TNIP2: variants seen among roughly 807,000 people sequenced by gnomAD.
The protein encoded by TNIP2 is TNFAIP3-interacting protein 2.
A neutral mutation model predicts 43.7 loss-of-function variants in TNIP2; 30 were observed. That is an observed-to-expected ratio of 0.69 (90% confidence interval 0.51 to 0.93). The LOEUF (loss-of-function observed/expected upper bound fraction) is 0.93, where lower values mean the gene tolerates loss of function less well. Among genes scored for constraint, TNIP2 ranks in the 40% least tolerant of loss-of-function variants. The pLI, the probability that TNIP2 is intolerant of heterozygous loss-of-function variation, is 0.00. For missense variants in TNIP2, 599 were observed against 591.0 expected, an observed-to-expected ratio of 1.01 and a Z score of -0.14; for synonymous variants, 260 against 254.6, an observed-to-expected ratio of 1.02 and a Z score of -0.20.
rs2109474608 is a variant in TNIP2, at chr4:2,741,993, A to C, written c.*264T>G. The C allele has an allele frequency of 2.9e-6, 1 of 348,772 alleles. No homozygotes were observed. Among genetic ancestry groups the C allele is most frequent in the South Asian group, 1.3e-4 (1 of 7,430 alleles). The allele number at this position is 348,772 out of a possible 1,614,324, so 21.6% of individuals were successfully genotyped here. A position where few individuals can be genotyped will look rare whatever the true frequency, so the allele number is the denominator to read the frequency against. On this transcript the variant is annotated 3_prime_UTR_variant, in exon 6 of 6. Coordinates refer to ENST00000315423, the MANE Select transcript of TNIP2 (RefSeq NM_024309.4). ...ACCAGATAGCTCTGGCTTAAGCCTG[A>C]TGGAGACACAGACTGGGACCTCCCT...
intron 2 of TNIP2, chr4:2,747,417 G>A (rs144974244): frequency 9.2e-4 from 444 of 482,196 alleles, no homozygotes; most frequent in African/African-American, 7.2e-3. Context: ...GAGCGGGGTC[G>A]GCCACAGGCC....
chr4:2,745,489 T>C lies in TNIP2; in HGVS notation c.614A>G (p.Lys205Arg), dbSNP rs1010415009. ...GHTSVQSVIE[K>R]LQEENRLLKQ... is the part of the protein sequence containing the mutation. ...TAACAGTCGATTTTCTTCCTGCAAC[T>C]TCTCAATAACACTCTGGACAGAGGT... is the stretch of plus-strand genomic sequence containing the variant. Residue 205 changes from lysine to arginine, a missense_variant, in exon 3 of 6, where the codon AAG becomes AGG. Transcript: ENST00000315423. 4.3e-6 allele frequency: 7 copies of C among 1,613,416 alleles called. No homozygotes were observed. Among genetic ancestry groups the C allele is most frequent in the Non-Finnish European group, 5.9e-6 (7 of 1,179,676 alleles).
At position 2,744,498 on chromosome 4, in the gene TNIP2, A is replaced by C. The variant is rs1034953898; in HGVS notation, c.915T>G (p.Ala305=). ...TTTCTGACATGAAGTCATCCTTGTAAGCGAGAATCTGAAGAGAGGCGAGAC... is the reference window on the plus strand; with the variant it reads ...TTTCTGACATGAAGTCATCCTTGTACGCGAGAATCTGAAGAGAGGCGAGAC... ...RVQMLEQQIL[A]YKDDFMSERA... is the part of the protein sequence containing the mutation. The change falls in exon 5 of 6, where the codon GCT becomes GCG. Residue 305 remains alanine, a synonymous_variant. Coordinates refer to ENST00000315423, the MANE Select transcript of TNIP2 (RefSeq NM_024309.4). The surrounding 1 kb of genome is among the most constrained non-coding windows in gnomAD (Gnocchi z 5.1). 3.1e-6 allele frequency: 5 copies of C among 1,614,160 alleles called. No individual in the cohort carries two copies. Among genetic ancestry groups the C allele is most frequent in the Non-Finnish European group, 4.2e-6 (5 of 1,180,026 alleles).
intron 1 of TNIP2, among the ~76,000 whole-genome samples, chr4:2,753,576 GGTGAGTGGCC>G (rs1722153199): frequency 6.6e-6 from 1 of 152,234 alleles, no homozygotes; most frequent in African/African-American, 2.4e-5. Context: ...TAAGCTGCTT[GGTGAGTGGCC>G]AGATACACAG....
intron 1 of TNIP2, 111 bp from the exon 2 acceptor site, chr4:2,748,056 A>T (rs1722001170): frequency 8.8e-7 from 1 of 1,139,120 alleles, no homozygotes; most frequent in Admixed American, 2.5e-5. Context: ...CACCAGACAC[A>T]AACATACTCA....
chr4:2,747,462 T>G (rs1721978119), intron 2 of TNIP2, 193 bp downstream of exon 2: 1 of 642,484 alleles, frequency 1.6e-6, no homozygotes, highest in Non-Finnish European at 2.7e-6. Flanking sequence ...CCTGCTTTCC[T>G]ATTACATTTT....
chr4:2,755,147 T>G (rs1722196310), intron 1 of TNIP2, among the ~76,000 whole-genome samples: 1 of 151,850 alleles, frequency 6.6e-6, no homozygotes, highest in Non-Finnish European at 1.5e-5. Context: ...GAACACAATA[T>G]GAGTACACGA....
At chr4:2,749,312 G>T (rs1339921344) in intron 1 of TNIP2, among the ~76,000 whole-genome samples, 1 of 152,168 alleles carries the variant, frequency 6.6e-6, no homozygotes, top group African/African-American at 2.4e-5. Flanking sequence ...GCACTTTTTT[G>T]ATGGGATAGG....
intron 1 of TNIP2, among the ~76,000 whole-genome samples, chr4:2,754,565 C>T (rs1241482851): frequency 6.6e-6 from 1 of 152,138 alleles, no homozygotes; most frequent in East Asian, 1.9e-4. Flanking sequence ...TACAGGCGCC[C>T]GCCACCACGC....
chr4:2,745,937 G>C (rs1175103125), intron 2 of TNIP2: 3 of 189,816 alleles, frequency 1.6e-5, no homozygotes, highest in Non-Finnish European at 3.3e-5. Context: ...CAGCAGGGAA[G>C]GCAGGAAGCT....
At chr4:2,749,777 C>A (rs543025337) in intron 1 of TNIP2, among the ~76,000 whole-genome samples, 1 of 152,262 alleles carries the variant, frequency 6.6e-6, no homozygotes, top group South Asian at 2.1e-4. Flanking sequence ...ACACCCAACC[C>A]CAATTACTTC....
chr4:2,745,276 TGTCCCGTAC>T, intron 3 of TNIP2, 161 bp downstream of exon 3: 1 of 631,602 alleles, frequency 1.6e-6, no homozygotes, highest in Middle Eastern at 4.2e-4. Flanking sequence ...GGACAGGACA[TGTCCCGTAC>T]GTCGTTTTAA....
chr4:2,749,529 G>A (rs1577310562), intron 1 of TNIP2, among the ~76,000 whole-genome samples: 3 of 152,198 alleles, frequency 2.0e-5, no homozygotes, highest in Non-Finnish European at 2.9e-5. Context: ...AGACGACCAC[G>A]TGACAACAAA....
intron 1 of TNIP2, among the ~76,000 whole-genome samples, chr4:2,751,074 T>G (rs892031387): frequency 3.3e-5 from 5 of 152,000 alleles, no homozygotes; most frequent in African/African-American, 1.2e-4. Context: ...CCACTCATCC[T>G]CCCCTCGGCA....
At position 2,741,996 on chromosome 4, in the gene TNIP2, G is replaced by T. The variant is rs1458908307; in HGVS notation, c.*261C>A. 1.4e-5 allele frequency: 5 copies of T among 353,488 alleles called. No individual in the cohort carries two copies. The highest frequency in any genetic ancestry group is 8.4e-5 in the African/African-American group (4 of 47,718). The allele number at this position is 353,488 out of a possible 1,614,324, so 21.9% of individuals were successfully genotyped here. Reference sequence around the variant, plus strand: ...AGATAGCTCTGGCTTAAGCCTGATGGAGACACAGACTGGGACCTCCCTCTG... The same window carrying T: ...AGATAGCTCTGGCTTAAGCCTGATGTAGACACAGACTGGGACCTCCCTCTG... On this transcript the variant is annotated 3_prime_UTR_variant, in exon 6 of 6. Transcript: ENST00000315423.
chr4:2,744,431 C>T lies in TNIP2; in HGVS notation c.982G>A (p.Glu328Lys). Reference sequence around the variant, plus strand: ...TGCAGCAAAGAGGCGACCTTTTCCTCCAGTTCTTGAATCCTACTTTGAGCC... The same window carrying T: ...TGCAGCAAAGAGGCGACCTTTTCCTTCAGTTCTTGAATCCTACTTTGAGCC... ...ERAQSRIQELEEKVASLLHQV... is the reference protein window; with the variant it reads ...ERAQSRIQELKEKVASLLHQV... The change falls in exon 5 of 6, where the codon GAG (glutamate) becomes AAG (lysine). Residue 328 changes from glutamate (E) to lysine (K), a missense_variant. Physicochemically the swap from Glu to Lys is moderately conservative, Grantham distance 56 (BLOSUM62 1). Transcript: ENST00000315423. The surrounding 1 kb of genome is among the most constrained non-coding windows in gnomAD (Gnocchi z 5.1). 2.5e-6 allele frequency: 4 copies of T among 1,614,244 alleles called. No homozygotes were observed. The highest frequency in any genetic ancestry group is 3.4e-6 in the Non-Finnish European group (4 of 1,180,034).
chr4:2,756,094 C>T lies in TNIP2; in HGVS notation c.196G>A (p.Ala66Thr). ...AAGCGCGCAACCTGCTCCAGCAGCGCGTCCACTAGGGACGGCGCGGCGTCC... is the reference window on the plus strand; with the variant it reads ...AAGCGCGCAACCTGCTCCAGCAGCGTGTCCACTAGGGACGGCGCGGCGTCC... Reference protein sequence around the residue: ...EGDAAPSLVDALLEQVARFRE... With the variant: ...EGDAAPSLVDTLLEQVARFRE... Residue 66 changes from alanine to threonine, a missense_variant, in exon 1 of 6, where the codon GCG becomes ACG. Transcript: ENST00000315423. The T allele has an allele frequency of 6.6e-7, 1 of 1,516,858 alleles. No homozygotes were observed. The highest frequency in any genetic ancestry group is 8.7e-7 in the Non-Finnish European group (1 of 1,144,208). 94.0% of individuals were successfully genotyped at this position (1,516,858 alleles called of 1,614,324 possible).
rs946470669 is a variant in TNIP2 at position 2,744,620 on chromosome 4, A to G, written c.906+77T>C. On this transcript the variant is annotated intron_variant, in intron 4 of 5. Transcript: ENST00000315423. This position sits in a 1 kb window ranked among gnomAD's most constrained non-coding sequence, Gnocchi z 5.1. ...CTCAGTGCCACCAAGCCTTCAGCCC[A>G]GCCTGTCCCATGATTTCGGCCACCA... The G allele has an allele frequency of 1.9e-6, 3 of 1,585,602 alleles. No homozygotes were observed. The African/African-American group carries it at 4.1e-5, about 22-fold the overall frequency.
chr4:2,755,209 C>T (rs1722198832), intron 1 of TNIP2, among the ~76,000 whole-genome samples: 2 of 152,050 alleles, frequency 1.3e-5, no homozygotes, highest in South Asian at 4.1e-4. Flanking sequence ...CATACACACC[C>T]CTCAGAATGT....
Sources: gnomAD v4.1 joint callset for allele counts (sites outside exome capture counted in the v4.1 genomes callset) on GRCh38, gnomAD v4.1.1 for gene constraint, Gnocchi (gnomAD v3.1) non-coding constraint, MANE v1.5 for transcripts, NCBI Gene and HGNC (gene_info 2026-07-23, HGNC 2026-07-21) for gene names.